CSMD3: variants seen among roughly 807,000 people sequenced by gnomAD.
The protein encoded by CSMD3 is CUB and Sushi multiple domains 3, also known as CUB and sushi domain-containing protein 3.
In CSMD3, 177 loss-of-function variants were observed where a neutral mutation model predicts 435.2. That is an observed-to-expected ratio of 0.41 (90% confidence interval 0.36 to 0.46). The LOEUF (loss-of-function observed/expected upper bound fraction) is 0.46. CSMD3 is among the 20% of genes least tolerant of loss of function. The pLI, the probability that CSMD3 is intolerant of heterozygous loss-of-function variation, is 0.34. For synonymous variants in CSMD3, 1,656 were observed against 1,520.5 expected, an observed-to-expected ratio of 1.09 and a Z score of -2.07; for missense variants, 4,265 against 4,504.6, an observed-to-expected ratio of 0.95 and a Z score of 1.52.
intron 26 of CSMD3, 59 bp downstream of exon 26, chr8:112,552,535 A>G: frequency 6.6e-7 from 1 of 1,505,722 alleles, no homozygotes; most frequent in Non-Finnish European, 9.2e-7. Flanking sequence ...AATTTTATAT[A>G]GGGGTTGGTT....
rs953417931 is a variant in CSMD3 at position 113,111,473 on chromosome 8, T to C, written c.710-12510A>G. 2.6e-5 allele frequency among the ~76,000 whole-genome samples: 4 copies of C among 152,162 alleles called. No homozygotes were observed. In the East Asian group the frequency reaches 7.7e-4, roughly 29 times the overall value. ...AGTTTATCTGAAACTTTTTACCTTT[T>C]AGCCAGTGACTATTCACTTTCCCCC... is the stretch of plus-strand genomic sequence containing the variant. On this transcript the variant is annotated intron_variant, in intron 4 of 70. Coordinates refer to ENST00000297405, the MANE Select transcript of CSMD3 (RefSeq NM_198123.2).
At chr8:113,351,654 G>C (rs2094191136) in intron 1 of CSMD3, among the ~76,000 whole-genome samples, 1 of 152,090 alleles carries the variant, frequency 6.6e-6, no homozygotes, top group South Asian at 2.1e-4. Flanking sequence ...TGCAGCTGCT[G>C]AGTGTTTCTT....
intron 27 of CSMD3, among the ~76,000 whole-genome samples, chr8:112,526,117 A>T (rs1264143810): frequency 6.6e-6 from 1 of 151,420 alleles, no homozygotes; most frequent in Non-Finnish European, 1.5e-5. Context: ...GTTTTCAATA[A>T]TTGCTATTTA....
Position 113,296,518 on chromosome 8 carries a change from T to C in CSMD3, c.402-17814A>G, listed in dbSNP as rs533939391. On this transcript the variant is annotated intron_variant, in intron 2 of 70. Transcript: ENST00000297405. ...CAGTCCAGGCAACACAGCGAGACTC[T>C]GTCTCAAAAAAAACCCAACCAAACA... Among the ~76,000 whole-genome samples the C allele has an allele frequency of 2.1e-4, 32 of 151,816 alleles. No individual in the cohort carries two copies. The South Asian group carries it at 6.7e-3, about 32-fold the overall frequency.
rs190361637 is a variant in CSMD3 at position 112,893,825 on chromosome 8, G to C, written c.1633+27802C>G. On this transcript the variant is annotated intron_variant, in intron 10 of 70. Transcript: ENST00000297405. ...CTTTCTGTTCCTGTGTACTGTACAA[G>C]TACAAGTACAAGTGGGTTTACAAAG... 1.5e-4 allele frequency among the ~76,000 whole-genome samples: 22 copies of C among 151,478 alleles called. 1 individual carries two copies. The highest frequency in any genetic ancestry group is 2.0e-4 in the Admixed American group (3 of 15,172).
chr8:112,239,283 C>T (rs1262981415), intron 66 of CSMD3, among the ~76,000 whole-genome samples: 1 of 151,996 alleles, frequency 6.6e-6, no homozygotes, highest in Non-Finnish European at 1.5e-5. Flanking sequence ...CAATTAAACT[C>T]CTTTAAATTT....
intron 4 of CSMD3, among the ~76,000 whole-genome samples, chr8:113,116,687 T>C (rs2090840371): frequency 6.6e-6 from 1 of 152,076 alleles, no homozygotes; most frequent in Non-Finnish European, 1.5e-5. Flanking sequence ...CTTAGAGACT[T>C]AGAGAGGGCT....
intron 22 of CSMD3, among the ~76,000 whole-genome samples, chr8:112,603,641 G>C (rs1788153133): frequency 6.6e-6 from 1 of 152,002 alleles, no homozygotes; most frequent in South Asian, 2.1e-4. Context: ...GACATTTTAT[G>C]GTAGTAAATG....
intron 5 of CSMD3, among the ~76,000 whole-genome samples, chr8:113,048,843 A>C (rs1188481620): frequency 6.6e-6 from 1 of 152,174 alleles, no homozygotes; most frequent in East Asian, 1.9e-4. Context: ...ACTCAGTTAC[A>C]TTAATGATCT....
At chr8:112,603,035 G>T (rs1245341722) in intron 22 of CSMD3, among the ~76,000 whole-genome samples, 1 of 152,118 alleles carries the variant, frequency 6.6e-6, no homozygotes, top group Admixed American at 6.5e-5. Flanking sequence ...ATGCCACCAT[G>T]GCAGGCTAAT....
At position 113,123,598 on chromosome 8, in the gene CSMD3, G is replaced by T. The variant is rs537335921; in HGVS notation, c.710-24635C>A. On this transcript the variant is annotated intron_variant, in intron 4 of 70. Transcript: ENST00000297405. ...AGTTTTAGGCATAGGATCAAAACTC[G>T]TTTCTAACTTTCACTTTTCTTGCTC... Among the ~76,000 whole-genome samples the T allele has an allele frequency of 4.6e-5, 7 of 152,106 alleles. 1 individual carries two copies.
At chr8:113,361,303 G>C (rs1232188156) in intron 1 of CSMD3, among the ~76,000 whole-genome samples, 1 of 152,040 alleles carries the variant, frequency 6.6e-6, no homozygotes, top group African/African-American at 2.4e-5. Context: ...AAGAGAAAAA[G>C]GCTTGTACCA....
chr8:113,192,948 G>A (rs1346606976), intron 3 of CSMD3, among the ~76,000 whole-genome samples: 1 of 151,522 alleles, frequency 6.6e-6, no homozygotes, highest in Non-Finnish European at 1.5e-5. Context: ...TACAAGTGTG[G>A]CATTTGATAC....
chr8:112,392,864 C>CTTTTTTTTT (rs56809581), intron 35 of CSMD3, among the ~76,000 whole-genome samples: 193 of 122,046 alleles, frequency 1.6e-3, no homozygotes, highest in Non-Finnish European at 2.3e-3. Flanking sequence ...TCTTTTTTTT[C>CTTTTTTTTT]TTTTTTTTTT....
rs141863300 is a variant in CSMD3, at chr8:112,304,776, G to A, written c.8211C>T (p.Ile2737=). The A allele has an allele frequency of 6.8e-6, 11 of 1,613,684 alleles. No homozygotes were observed. Among genetic ancestry groups the A allele is most frequent in the African/African-American group, 5.3e-5 (4 of 74,874 alleles). The change falls in exon 52 of 71, where the codon ATC becomes ATT. Residue 2737 remains isoleucine, a synonymous_variant. Transcript: ENST00000297405. ...TCCAAGTACCATTAGGAAGACATTC[G>A]ATGGAGGCAGGACCTAGTCCATGAT... ...PGYHGLGPAS[I]ECLPNGTWSW...
chr8:112,447,327 T>C lies in CSMD3; in HGVS notation c.5395+25264A>G, dbSNP rs528493861. ...AAATAAAATGAAACTCATGTAGCCA[T>C]TACCCAGCTTCAGCAATTTTTAATT... On this transcript the variant is annotated intron_variant, in intron 32 of 70. Transcript: ENST00000297405. 3.3e-5 allele frequency among the ~76,000 whole-genome samples: 5 copies of C among 152,306 alleles called. No homozygotes were observed. The East Asian group carries it at 9.6e-4, about 29-fold the overall frequency.
chr8:112,997,335 T>C (rs560613486), intron 6 of CSMD3, among the ~76,000 whole-genome samples: 1 of 151,862 alleles, frequency 6.6e-6, no homozygotes, highest in Admixed American at 6.6e-5. Context: ...TTCTTGAGCA[T>C]CTGTCTTACC....
At chr8:113,085,378 C>CA (rs1349570203) in intron 5 of CSMD3, among the ~76,000 whole-genome samples, 1 of 151,954 alleles carries the variant, frequency 6.6e-6, no homozygotes, top group African/African-American at 2.4e-5. Context: ...TGAAGTTTCT[C>CA]AAAAAACTAA....
At position 113,116,997 on chromosome 8, in the gene CSMD3, T is replaced by C. The variant is rs187866392; in HGVS notation, c.710-18034A>G. On this transcript the variant is annotated intron_variant, in intron 4 of 70. Coordinates refer to ENST00000297405, the MANE Select transcript of CSMD3 (RefSeq NM_198123.2). ...CAAGAGGAAACACGGCATAAAAGTT[T>C]GGAAAATTTGCAACCTGATGGTGTG... 6.6e-5 allele frequency among the ~76,000 whole-genome samples: 10 copies of C among 152,272 alleles called. No homozygotes were observed. In the East Asian group the frequency reaches 1.5e-3, roughly 24 times the overall value.
Sources: allele counts gnomAD v4.1 joint callset (sites outside exome capture counted in the v4.1 genomes callset), GRCh38; gene constraint gnomAD v4.1.1; transcripts MANE v1.5; gene names NCBI Gene and HGNC (gene_info 2026-07-23, HGNC 2026-07-21).